Variants in KARS1 observed in about 807,000 individuals in gnomAD.
KARS1 encodes lysine--tRNA ligase.
Under a neutral mutation model 63.9 loss-of-function variants are expected in KARS1, and 50 were observed. That is an observed-to-expected ratio of 0.78 (90% CI 0.62 to 0.99). KARS1 has a LOEUF of 0.99. KARS1 is among the 50% of genes least tolerant of loss of function. The pLI is 0.00. For synonymous variants in KARS1, 320 were observed against 264.6 expected, an observed-to-expected ratio of 1.21 and a Z score of -2.03; for missense variants, 816 against 754.5, an observed-to-expected ratio of 1.08 and a Z score of -0.95.
chr16:75,630,475 T>C lies in KARS1; in HGVS notation c.1372A>G (p.Asn458Asp), dbSNP rs2082099708. 11 of 1,612,460 alleles carry C rather than the reference T, an allele frequency of 6.8e-6. No homozygotes were observed. In the South Asian group the frequency reaches 9.9e-5, roughly 14 times the overall value. Reference protein sequence around the residue: ...VGEFLEVTCINPTFICDHPQI... With the variant: ...VGEFLEVTCIDPTFICDHPQI... ...GGGTGATCACAGATGAATGTAGGAT[T>C]GATGCAAGTCACTTCCAGGAACTCC... Residue 458 changes from asparagine to aspartate, a missense_variant, in exon 11 of 14, where the codon AAT becomes GAT. Physicochemically the swap from Asn to Asp is conservative, Grantham distance 23. Coordinates refer to ENST00000302445, the MANE Select transcript of KARS1 (RefSeq NM_005548.3).
At chr16:75,637,300 T>G (rs1005823623) in intron 3 of KARS1, among the ~76,000 whole-genome samples, 1 of 151,800 alleles carries the variant, frequency 6.6e-6, no homozygotes, top group African/African-American at 2.4e-5. Flanking sequence ...AAGACCTCTA[T>G]ACGGGGAAAA....
intron 1 of KARS1, among the ~76,000 whole-genome samples, chr16:75,643,379 CTT>C (rs764979861): frequency 1.8e-4 from 25 of 140,910 alleles, no homozygotes; most frequent in Admixed American, 2.1e-4. Context: ...AATCTTTCAC[CTT>C]TTTTTTTTTT....
intron 7 of KARS1, among the ~76,000 whole-genome samples, chr16:75,633,069 G>C (rs2082129557): frequency 6.6e-6 from 1 of 152,170 alleles, no homozygotes. Flanking sequence ...ATTTACTTTA[G>C]ACCATGGTAC....
chr16:75,640,422 G>T (rs1355905923), intron 2 of KARS1, 73 bp from the exon 3 acceptor site: 2 of 1,459,608 alleles, frequency 1.4e-6, no homozygotes, highest in African/African-American at 1.4e-5. Context: ...ACCTAGCAGA[G>T]GGCAGTATTC....
chr16:75,631,452 T>A lies in KARS1; in HGVS notation c.1216A>T (p.Met406Leu). The A allele has an allele frequency of 6.2e-7, 1 of 1,614,172 alleles. No homozygotes were observed. Among genetic ancestry groups the A allele is most frequent in the Non-Finnish European group, 8.5e-7 (1 of 1,180,030 alleles). ...MVEELEKALG[M>L]KLPETNLFET... The stretch of plus-strand genomic sequence containing the variant: ...AAGAGGTTCGTTTCTGGCAGCTTCA[T>A]CCCCAGGGCTTTCTCAAGCTCTTCT... The change falls in exon 9 of 14, where the codon ATG becomes TTG. Residue 406 changes from methionine (M) to leucine (L), a missense_variant. By Grantham distance (15) the Met-to-Leu change is conservative (BLOSUM62 2). Coordinates refer to ENST00000302445, the MANE Select transcript of KARS1 (RefSeq NM_005548.3).
rs1157462178 is a variant in KARS1, at chr16:75,631,766, G to A, written c.1005C>T (p.Phe335=). 1.9e-6 allele frequency: 3 copies of A among 1,614,082 alleles called. No individual in the cohort carries two copies. Among genetic ancestry groups the A allele is most frequent in the Admixed American group, 1.7e-5 (1 of 60,004 alleles). ...AGGCCATGTAGAACTCACAGGTGGT[G>A]AACTCAGGATTGTGCGTCAAATCAA... ...EGIDLTHNPE[F]TTCEFYMAYA... Residue 335 remains phenylalanine, a synonymous_variant, in exon 8 of 14, where the codon TTC becomes TTT. Coordinates refer to ENST00000302445, the MANE Select transcript of KARS1 (RefSeq NM_005548.3).
At chr16:75,629,681 C>T (rs1376921472) in intron 11 of KARS1, 140 bp from the exon 12 acceptor site, 17 of 867,348 alleles carry the variant, frequency 2.0e-5, no homozygotes, top group Non-Finnish European at 3.0e-5. Flanking sequence ...CTCACTGCAA[C>T]CTCTGTCTCC....
intron 8 of KARS1, 48 bp downstream of exon 8, chr16:75,631,645 A>G (rs371691302): frequency 9.1e-5 from 147 of 1,613,722 alleles, no homozygotes; most frequent in Non-Finnish European, 1.2e-4. Flanking sequence ...CCTCCTCTGA[A>G]AGCAGCATAC....
intron 1 of KARS1, chr16:75,644,496 G>C: frequency 6.6e-7 from 1 of 1,504,084 alleles, no homozygotes; most frequent in Non-Finnish European, 9.0e-7. Context: ...GTGTCAGATG[G>C]GACAGACAGT....
chr16:75,631,105 CAGGG>C, intron 10 of KARS1, 59 bp downstream of exon 10: 1 of 1,349,782 alleles, frequency 7.4e-7, no homozygotes, highest in African/African-American at 1.4e-5. Flanking sequence ...TTCATTTTCC[CAGGG>C]AAGAGGGAAC....
chr16:75,647,400 G>GCCCGGGGTAT (rs958072100), intron 1 of KARS1, 178 bp downstream of exon 1: 2 of 686,840 alleles, frequency 2.9e-6, no homozygotes, highest in Non-Finnish European at 5.2e-6. Context: ...GAGCCGGCGT[G>GCCCGGGGTAT]CCCGGGGTAT....
chr16:75,636,328 A>G, intron 4 of KARS1, 126 bp downstream of exon 4: 1 of 814,920 alleles, frequency 1.2e-6, no homozygotes, highest in Non-Finnish European at 2.2e-6. Context: ...TCCTCTTCTC[A>G]GCCTTCCCCA....
intron 3 of KARS1, among the ~76,000 whole-genome samples, chr16:75,637,300 T>C (rs1005823623): frequency 3.3e-5 from 5 of 151,800 alleles, no homozygotes; most frequent in Non-Finnish European, 7.4e-5. Flanking sequence ...AAGACCTCTA[T>C]ACGGGGAAAA....
intron 6 of KARS1, among the ~76,000 whole-genome samples, chr16:75,634,536 A>T (rs2082143470): frequency 6.6e-6 from 1 of 152,250 alleles, no homozygotes; most frequent in African/African-American, 2.4e-5. Flanking sequence ...GTAAATTAGA[A>T]TCTAAATGGA....
rs1238225753 is a variant in KARS1 at position 75,635,726 on chromosome 16, A to G, written c.749T>C (p.Ile250Thr). 1 of 1,614,188 alleles carries G rather than the reference A, an allele frequency of 6.2e-7. No homozygotes were observed. Among genetic ancestry groups the G allele is most frequent in the Admixed American group, 1.7e-5 (1 of 60,020 alleles). Residue 250 changes from isoleucine to threonine, a missense_variant, in exon 6 of 14, where the codon ATC (isoleucine) becomes ACC (threonine). Ile to Thr is a moderately conservative substitution (Grantham distance 89). Coordinates refer to ENST00000302445, the MANE Select transcript of KARS1 (RefSeq NM_005548.3). ...TAAGAAACTTCTTATATATGTGATG[A>G]TCTTAGAGCGGATGATAAATTTCTG... Reference protein sequence around the residue: ...VRQKFIIRSKIITYIRSFLDE... With the variant: ...VRQKFIIRSKTITYIRSFLDE...
At chr16:75,636,640 TTTG>T in intron 3 of KARS1, 93 bp from the exon 4 acceptor site, 1 of 809,224 alleles carries the variant, frequency 1.2e-6, no homozygotes, top group Non-Finnish European at 2.1e-6. Flanking sequence ...CATTTTTTTT[TTTG>T]TTTTTTTTGG....
At chr16:75,642,228 G>C (rs2082234433) in intron 1 of KARS1, among the ~76,000 whole-genome samples, 2 of 105,336 alleles carry the variant, frequency 1.9e-5, no homozygotes, top group African/African-American at 6.8e-5. Context: ...TTATGAGACA[G>C]AGTTTTGCTC....
At position 75,630,508 on chromosome 16, in the gene KARS1, G is replaced by A. The variant is rs2082100066; in HGVS notation, c.1339C>T (p.Leu447Phe). The change falls in exon 11 of 14, where the codon CTT (leucine) becomes TTT (phenylalanine). Residue 447 changes from leucine (L) to phenylalanine (F), a missense_variant and splice_region_variant. Leu to Phe is a conservative substitution (Grantham distance 22). Coordinates refer to ENST00000302445, the MANE Select transcript of KARS1 (RefSeq NM_005548.3). ...GTCACTTCCAGGAACTCCCCAACAA[G>A]CTTAATGAGAAAGCAAAGCAGAGTC... ...PRTTARLLDK[L>F]VGEFLEVTCI... is the part of the protein sequence containing the mutation. 1.9e-6 allele frequency: 3 copies of A among 1,599,370 alleles called. No homozygotes were observed. Among genetic ancestry groups the A allele is most frequent in the Non-Finnish European group, 2.6e-6 (3 of 1,167,244 alleles).
intron 1 of KARS1, chr16:75,644,371 C>A (rs994520177): frequency 1.2e-6 from 2 of 1,612,322 alleles, no homozygotes; most frequent in African/African-American, 2.7e-5. Flanking sequence ...CCCCACTCTG[C>A]CCAGGAGGTT....
Sources: gnomAD v4.1 joint callset for allele counts (sites outside exome capture counted in the v4.1 genomes callset) on GRCh38, gnomAD v4.1.1 for gene constraint, MANE v1.5 for transcripts, NCBI Gene and HGNC (gene_info 2026-07-23, HGNC 2026-07-21) for gene names.